The following PIK3IP1 variants were observed in gnomAD, a reference collection of about 807,000 sequenced individuals.
The protein encoded by PIK3IP1 is phosphoinositide-3-kinase-interacting protein 1.
A neutral mutation model predicts 30.7 loss-of-function variants in PIK3IP1; 28 were observed. That is an observed-to-expected ratio of 0.91 (90% CI 0.68 to 1.25). The LOEUF (loss-of-function observed/expected upper bound fraction) is 1.25. Among genes scored for constraint, PIK3IP1 ranks in the 50% most tolerant of loss-of-function variants. PIK3IP1 has a pLI of 0.00. For missense variants in PIK3IP1, 333 were observed against 346.2 expected, an observed-to-expected ratio of 0.96 and a Z score of 0.30; for synonymous variants, 159 against 140.8, an observed-to-expected ratio of 1.13 and a Z score of -0.91.
chr22:31,291,071 G>A lies in PIK3IP1; in HGVS notation c.201C>T (p.His67=). ...ASAPVSGAGN[H]SYCRNPDEDP... ...CCTCGTCCGGGTTTCGGCAGTAACT[G>A]TGATTGCCGGCCCCTAAGAGAGGAG... Residue 67 remains histidine, a synonymous_variant, in exon 3 of 6, where the codon CAC becomes CAT. Transcript: ENST00000215912. The A allele has an allele frequency of 6.4e-7, 1 of 1,556,368 alleles. No individual in the cohort carries two copies. Among genetic ancestry groups the A allele is most frequent in the Non-Finnish European group, 8.7e-7 (1 of 1,149,558 alleles).
At chr22:31,289,050 G>C in intron 5 of PIK3IP1, 2 of 576,770 alleles carry the variant, frequency 3.5e-6, no homozygotes. Context: ...CCTAGGCTAT[G>C]TGACTTTGAG....
At position 31,282,980 on chromosome 22, in the gene PIK3IP1, T is replaced by G. The variant is rs1601457360; in HGVS notation, c.*104A>C. 2 of 852,148 alleles carry G rather than the reference T, an allele frequency of 2.3e-6. No individual in the cohort carries two copies. Among genetic ancestry groups the G allele is most frequent in the East Asian group, 2.7e-5 (1 of 36,880 alleles). 52.8% of individuals were successfully genotyped at this position (852,148 alleles called of 1,614,324 possible). A position where few individuals can be genotyped will look rare whatever the true frequency, so the allele number is the denominator to read the frequency against. On this transcript the variant is annotated 3_prime_UTR_variant, in exon 6 of 6. Transcript: ENST00000215912. The stretch of plus-strand genomic sequence containing the variant: ...AGGATTCGCCAAAAAAGCGGGGGAG[T>G]GGTAGGGTTTTAACCAGAACACAAA...
At position 31,283,099 on chromosome 22, in the gene PIK3IP1, C is replaced by T; in HGVS notation, c.777G>A (p.Gly259=). The change falls in exon 6 of 6, where the codon GGG becomes GGA. Residue 259 remains glycine, a synonymous_variant. Transcript: ENST00000215912. The part of the protein sequence containing the change: ...EGTTPLMGQA[G]TPGA ...CTGGGGGGGCTCAGGCCCCAGGAGT[C>T]CCGGCCTGGCCCATAAGGGGGGTGG... The T allele has an allele frequency of 6.2e-7, 1 of 1,600,806 alleles. No individual in the cohort carries two copies. The highest frequency in any genetic ancestry group is 8.5e-7 in the Non-Finnish European group (1 of 1,173,810).
At chr22:31,283,910 CT>C (rs1372269913) in intron 5 of PIK3IP1, among the ~76,000 whole-genome samples, 21 of 147,388 alleles carry the variant, frequency 1.4e-4, no homozygotes, top group South Asian at 2.1e-4. Flanking sequence ...CAGCTACAGG[CT>C]TTTTTTTTTG....
chr22:31,289,813 C>T, intron 3 of PIK3IP1, 114 bp from the exon 4 acceptor site: 1 of 1,104,266 alleles, frequency 9.1e-7, no homozygotes. Flanking sequence ...GAATTTCCCC[C>T]CACACACAAC....
intron 3 of PIK3IP1, chr22:31,289,920 G>GCTT: frequency 1.9e-6 from 1 of 515,066 alleles, no homozygotes; most frequent in Non-Finnish European, 3.5e-6. Flanking sequence ...GTAGGGAAGG[G>GCTT]CTTCTCTCCT....
intron 5 of PIK3IP1, 68 bp from the exon 6 acceptor site, chr22:31,283,356 T>A: frequency 6.6e-7 from 1 of 1,525,214 alleles, no homozygotes; most frequent in East Asian, 2.3e-5. Context: ...TTAGATAGCA[T>A]CCCTGAGGCT....
In PIK3IP1 at chr22:31,283,307, A is replaced by G; in HGVS notation, c.588-19T>C. The G allele has an allele frequency of 6.2e-7, 1 of 1,613,384 alleles. No homozygotes were observed. Among genetic ancestry groups the G allele is most frequent in the Non-Finnish European group, 8.5e-7 (1 of 1,179,564 alleles). On this transcript the variant is annotated intron_variant, in intron 5 of 5. Transcript: ENST00000215912. ...CTTCCCCCTGGCAGGAAAAAAACAAACAAACATTCAGGCTATGCCTCCTGC... is the reference window on the plus strand; with the variant it reads ...CTTCCCCCTGGCAGGAAAAAAACAAGCAAACATTCAGGCTATGCCTCCTGC...
chr22:31,285,382 T>C (rs74946037), intron 5 of PIK3IP1, among the ~76,000 whole-genome samples: 5,598 of 152,324 alleles, frequency 0.037, 149 homozygotes, highest in South Asian at 0.086. Context: ...TCACAACCTA[T>C]GTGGTATCTA....
At chr22:31,284,118 G>C (rs757207821) in intron 5 of PIK3IP1, among the ~76,000 whole-genome samples, 11 of 151,792 alleles carry the variant, frequency 7.2e-5, no homozygotes, top group Non-Finnish European at 1.5e-4. Context: ...TGGTCAGGCT[G>C]GTCTCGAACT....
chr22:31,283,848 G>C (rs2049110594), intron 5 of PIK3IP1, among the ~76,000 whole-genome samples: 1 of 152,072 alleles, frequency 6.6e-6, no homozygotes, highest in South Asian at 2.1e-4. Context: ...ATCCTGCTGT[G>C]AGACAGCCTC....
At position 31,283,304 on chromosome 22, in the gene PIK3IP1, CA is replaced by C. The variant is rs1601457809; in HGVS notation, c.588-17del. 1 of 1,221,454 alleles carries C rather than the reference CA, an allele frequency of 8.2e-7. No homozygotes were observed. Among genetic ancestry groups the C allele is most frequent in the East Asian group, 2.3e-5 (1 of 43,234 alleles). The allele number at this position is 1,221,454 out of a possible 1,614,324, so 75.7% of individuals were successfully genotyped here. On this transcript the variant is annotated splice_polypyrimidine_tract_variant and intron_variant, in intron 5 of 5. Transcript: ENST00000215912. ...ATCCTTCCCCCTGGCAGGAAAAAAA[CA>C]AACAAACATTCAGGCTATGCCTCCT... is the stretch of plus-strand genomic sequence containing the variant.
intron 5 of PIK3IP1, chr22:31,288,944 T>C (rs940218509): frequency 7.1e-6 from 3 of 422,206 alleles, no homozygotes; most frequent in African/African-American, 6.1e-5. Flanking sequence ...AAGCCTGATT[T>C]CTGCAGTGCC....
chr22:31,281,929 C>G lies in PIK3IP1; in HGVS notation c.*1155G>C, dbSNP rs2049092441. The G allele has an allele frequency of 6.6e-6, 1 of 152,570 alleles. No homozygotes were observed. Among genetic ancestry groups the G allele is most frequent in the Non-Finnish European group, 1.5e-5 (1 of 68,100 alleles). The allele number at this position is 152,570 out of a possible 1,614,324, so 9.5% of individuals were successfully genotyped here. A position where few individuals can be genotyped will look rare whatever the true frequency, so the allele number is the denominator to read the frequency against. The stretch of plus-strand genomic sequence containing the variant: ...GCCCTGCTGAGCTGCTAGCACAGTG[C>G]AGTGGAGAAATGTTGCGCTCCGTCA... On this transcript the variant is annotated 3_prime_UTR_variant, in exon 6 of 6. Coordinates refer to ENST00000215912, the MANE Select transcript of PIK3IP1 (RefSeq NM_052880.5).
At chr22:31,291,350 G>A (rs1406756430) in intron 1 of PIK3IP1, 54 bp from the exon 2 acceptor site, 3 of 1,511,734 alleles carry the variant, frequency 2.0e-6, no homozygotes, top group East Asian at 2.5e-5. Context: ...AACGGAAGAC[G>A]CCCAGCGTGG....
rs932778885 is a variant in PIK3IP1 at position 31,289,389 on chromosome 22, G to A, written c.513C>T (p.Tyr171=). ...TCACCATCATGGTAATGCCCAGCAC[G>A]TAGCCTGCCAAGGATAGGACACAAG... The part of the protein sequence containing the change: ...KEKKDLGTLG[Y]VLGITMMVII... The change falls in exon 5 of 6, where the codon TAC becomes TAT. Residue 171 remains tyrosine, a synonymous_variant. Transcript: ENST00000215912. 4.4e-6 allele frequency: 7 copies of A among 1,607,240 alleles called. No individual in the cohort carries two copies. Among genetic ancestry groups the A allele is most frequent in the African/African-American group, 1.3e-5 (1 of 74,604 alleles).
intron 5 of PIK3IP1, 109 bp from the exon 6 acceptor site, chr22:31,283,397 A>G (rs1400453607): frequency 8.5e-7 from 1 of 1,170,048 alleles, no homozygotes; most frequent in African/African-American, 1.5e-5. Flanking sequence ...CATTGTCACA[A>G]CAAATCAGTG....
intron 5 of PIK3IP1, 116 bp from the exon 6 acceptor site, chr22:31,283,404 A>C: frequency 8.9e-7 from 1 of 1,123,454 alleles, no homozygotes; most frequent in Non-Finnish European, 1.3e-6. Flanking sequence ...ACAACAAATC[A>C]GTGGCTGAGC....
chr22:31,287,325 C>G (rs2049139361), intron 5 of PIK3IP1, among the ~76,000 whole-genome samples: 1 of 125,002 alleles, frequency 8.0e-6, no homozygotes, highest in African/African-American at 3.2e-5. Context: ...GGTCCATTAC[C>G]TACATTTTTT....
Sources: gnomAD v4.1 joint callset for allele counts (sites outside exome capture counted in the v4.1 genomes callset) on GRCh38, gnomAD v4.1.1 for gene constraint, MANE v1.5 for transcripts, NCBI Gene and HGNC (gene_info 2026-07-23, HGNC 2026-07-21) for gene names.